Variants in ZNF141 observed in about 807,000 individuals in gnomAD.
ZNF141 encodes the protein zinc finger protein 141 (clone pHZ-44).
In ZNF141, 7 loss-of-function variants were observed where a neutral mutation model predicts 11.3. The ratio of observed to expected loss-of-function variants is 0.62; its 90% CI spans 0.35 to 1.16. The LOEUF is 1.16. ZNF141 is among the 50% of genes most tolerant of loss of function. The probability of loss-of-function intolerance (pLI) is 0.02; values close to 1 mark genes in which losing one functional copy is unlikely to be tolerated. For missense variants in ZNF141, 535 were observed against 554.0 expected, an observed-to-expected ratio of 0.97 and a Z score of 0.34; for synonymous variants, 183 against 190.7, an observed-to-expected ratio of 0.96 and a Z score of 0.33.
At position 376,647 on chromosome 4, in the gene ZNF141, A is replaced by G. The variant is rs1478675665; in HGVS notation, c.*2785A>G. ...TAGTTCCATTTACATGAAGTTAAGT[A>G]TGTAAATGTGTTGCTGTAAAGATAA... On this transcript the variant is annotated 3_prime_UTR_variant, in exon 4 of 4. Coordinates refer to ENST00000240499, the MANE Select transcript of ZNF141 (RefSeq NM_003441.4). Among the ~76,000 whole-genome samples the G allele has an allele frequency of 6.6e-6, 1 of 152,122 alleles. No individual in the cohort carries two copies. Among genetic ancestry groups the G allele is most frequent in the Non-Finnish European group, 1.5e-5 (1 of 67,954 alleles).
At chr4:338,270 G>C (rs1720886904) in intron 1 of ZNF141, 1 of 408,438 alleles carries the variant, frequency 2.4e-6, no homozygotes, top group Non-Finnish European at 4.5e-6. Flanking sequence ...CGGCGTGCGC[G>C]ATGCCGGCGT....
chr4:367,212 G>C (rs1387937139), intron 3 of ZNF141, among the ~76,000 whole-genome samples: 1 of 152,120 alleles, frequency 6.6e-6, no homozygotes, highest in African/African-American at 2.4e-5. Flanking sequence ...TGTGTACACT[G>C]TAAGACTGGA....
At chr4:352,385 CAA>C in intron 3 of ZNF141, among the ~76,000 whole-genome samples, 1 of 150,556 alleles carries the variant, frequency 6.6e-6, no homozygotes, top group East Asian at 1.9e-4. Flanking sequence ...GACTCCGTCT[CAA>C]AAAAAAAGAG....
chr4:372,362 T>G (rs1553853681), intron 3 of ZNF141, among the ~76,000 whole-genome samples: 1 of 152,206 alleles, frequency 6.6e-6, no homozygotes, highest in Admixed American at 6.5e-5. Context: ...CACAGTGCTA[T>G]ATTGGGGAGG....
intron 3 of ZNF141, among the ~76,000 whole-genome samples, chr4:369,242 T>G (rs1474834791): frequency 6.6e-6 from 1 of 152,162 alleles, no homozygotes. Context: ...TGAACTTGTT[T>G]ATTATTGTTT....
rs782373001 is a variant in ZNF141, at chr4:373,666, G to A, written c.1229G>A (p.Arg410Gln). 7.4e-6 allele frequency: 12 copies of A among 1,613,136 alleles called. No homozygotes were observed. The highest frequency in any genetic ancestry group is 2.7e-5 in the African/African-American group (2 of 74,586). The change falls in exon 4 of 4, where the codon CGG becomes CAG. Residue 410 changes from arginine to glutamine, a missense_variant. Physicochemically the swap from Arg to Gln is conservative, Grantham distance 43. Coordinates refer to ENST00000240499, the MANE Select transcript of ZNF141 (RefSeq NM_003441.4). ...CGKAFRRSTDRSQHKKIHSAD... is the reference protein window; with the variant it reads ...CGKAFRRSTDQSQHKKIHSAD... ...AAAGCCTTTAGACGGTCCACAGATC[G>A]GAGTCAACATAAGAAAATTCATAGT...
Position 352,395 on chromosome 4 carries a change from G to A in ZNF141, c.226+7965G>A, listed in dbSNP as rs528511238. On this transcript the variant is annotated intron_variant, in intron 3 of 3. Coordinates refer to ENST00000240499, the MANE Select transcript of ZNF141 (RefSeq NM_003441.4). The stretch of plus-strand genomic sequence containing the variant: ...AGCGAGACTCCGTCTCAAAAAAAAA[G>A]AGGAAGGTGGGAGAGGGAGAAGGCA... 5.8e-3 allele frequency among the ~76,000 whole-genome samples: 889 copies of A among 151,968 alleles called. 14 individuals carry two copies. The South Asian group carries it at 0.062, about 11-fold the overall frequency.
chr4:344,916 C>G (rs1403794609), intron 3 of ZNF141, among the ~76,000 whole-genome samples: 6 of 152,204 alleles, frequency 3.9e-5, no homozygotes, highest in African/African-American at 1.4e-4. Context: ...CTGTTCCATG[C>G]TGTTAAATCC....
intron 3 of ZNF141, among the ~76,000 whole-genome samples, chr4:354,371 C>G (rs142642560): frequency 8.5e-5 from 13 of 152,256 alleles, no homozygotes; most frequent in African/African-American, 2.9e-4. Context: ...TCTATGAGTT[C>G]AAGGCAAAGT....
chr4:369,764 A>ATGTTTTT lies in ZNF141; in HGVS notation c.227-2899_227-2898insGTTTTTT. ...TATATATATATATATATATATATATATTTTTTTTTTTTTTTTTTTTGAGAG... is the reference window on the plus strand; with the variant it reads ...TATATATATATATATATATATATATATGTTTTTTTTTTTTTTTTTTTTTTTTTGAGAG... On this transcript the variant is annotated intron_variant, in intron 3 of 3. Transcript: ENST00000240499. Among the ~76,000 whole-genome samples the ATGTTTTT allele has an allele frequency of 5.0e-3, 244 of 48,722 alleles. 9 individuals carry two copies. The highest frequency in any genetic ancestry group is 6.2e-3 in the Non-Finnish European group (203 of 32,496). The allele number at this position is 48,722 out of a possible 152,430, so 32.0% of individuals were successfully genotyped here.
In ZNF141 at chr4:380,715, A is replaced by G. The variant is rs997550998; in HGVS notation, c.*6853A>G. ...TAATAGCATAGGTATTATTATCCTCATTTTACAGAGAAAGAAACAGCCATA... is the reference window on the plus strand; with the variant it reads ...TAATAGCATAGGTATTATTATCCTCGTTTTACAGAGAAAGAAACAGCCATA... On this transcript the variant is annotated 3_prime_UTR_variant, in exon 4 of 4. Transcript: ENST00000240499. Among the ~76,000 whole-genome samples, 2 of 152,102 alleles carry G rather than the reference A, an allele frequency of 1.3e-5. No individual in the cohort carries two copies. Among genetic ancestry groups the G allele is most frequent in the African/African-American group, 4.8e-5 (2 of 41,420 alleles).
chr4:372,119 C>T (rs782010361), intron 3 of ZNF141, among the ~76,000 whole-genome samples: 1 of 152,192 alleles, frequency 6.6e-6, no homozygotes, highest in Non-Finnish European at 1.5e-5. Flanking sequence ...ATCACTTGTT[C>T]TACGTGTTGC....
intron 1 of ZNF141, among the ~76,000 whole-genome samples, chr4:339,852 A>C (rs1440060996): frequency 6.6e-6 from 1 of 152,180 alleles, no homozygotes; most frequent in African/African-American, 2.4e-5. Flanking sequence ...TCACATATCA[A>C]ATCTACCTCC....
At chr4:338,177 C>G (rs1474207338) in intron 1 of ZNF141, 191 bp downstream of exon 1, 1 of 629,526 alleles carries the variant, frequency 1.6e-6, no homozygotes, top group Non-Finnish European at 2.6e-6. Context: ...GCCTGCAGCC[C>G]TCCTTGTGCA....
At chr4:350,196 G>A (rs1553850221) in intron 3 of ZNF141, 1 of 534,750 alleles carries the variant, frequency 1.9e-6, no homozygotes, top group Admixed American at 1.9e-5. Flanking sequence ...TTCCTTGTCT[G>A]TAGCCATGTC....
In ZNF141 at chr4:374,168, G is replaced by C. The variant is rs1172957354; in HGVS notation, c.*306G>C. ...ACAAAACCTTTAAACAGCCCTCACC[G>C]GTGAATAAACATAAGAAAAATCATG... On this transcript the variant is annotated 3_prime_UTR_variant, in exon 4 of 4. Coordinates refer to ENST00000240499, the MANE Select transcript of ZNF141 (RefSeq NM_003441.4). The C allele has an allele frequency of 2.8e-6, 1 of 358,520 alleles. No individual in the cohort carries two copies. Among genetic ancestry groups the C allele is most frequent in the African/African-American group, 2.1e-5 (1 of 48,100 alleles). 22.2% of individuals were successfully genotyped at this position (358,520 alleles called of 1,614,324 possible).
intron 3 of ZNF141, among the ~76,000 whole-genome samples, chr4:369,034 C>T (rs1247435353): frequency 4.6e-5 from 7 of 152,036 alleles, no homozygotes. Context: ...AATATTCTGT[C>T]TTGTTTCATT....
At chr4:361,773 A>G (rs1235289303) in intron 3 of ZNF141, among the ~76,000 whole-genome samples, 2 of 152,174 alleles carry the variant, frequency 1.3e-5, no homozygotes, top group African/African-American at 2.4e-5. Flanking sequence ...AATCCAGTCT[A>G]TCATTGATGG....
At chr4:360,990 A>G (rs1227940394) in intron 3 of ZNF141, among the ~76,000 whole-genome samples, 11 of 152,160 alleles carry the variant, frequency 7.2e-5, no homozygotes, top group African/African-American at 2.7e-4. Context: ...TTGTTTGATT[A>G]TATATTATTC....
Sources: gnomAD v4.1 joint callset for allele counts (sites outside exome capture counted in the v4.1 genomes callset) on GRCh38, gnomAD v4.1.1 for gene constraint, MANE v1.5 for transcripts, NCBI Gene and HGNC (gene_info 2026-07-23, HGNC 2026-07-21) for gene names.